VPS37A: variants seen among roughly 807,000 people sequenced by gnomAD.
The protein encoded by VPS37A is VPS37A subunit of ESCRT-I.
In VPS37A, 30 loss-of-function variants were observed where a neutral mutation model predicts 49.8. The ratio of observed to expected loss-of-function variants is 0.60; its 90% CI spans 0.45 to 0.82. The LOEUF is 0.82. Ranked by LOEUF, VPS37A falls within the 40% of genes least tolerant of loss-of-function variation. The pLI is 0.00. For missense variants in VPS37A, 593 were observed against 464.4 expected (o/e 1.28, Z -2.55); for synonymous variants, 195 against 160.6 (o/e 1.21, Z -1.62).
chr8:17,252,391 G>C (rs58175085), intron 1 of VPS37A, among the ~76,000 whole-genome samples: 1 of 152,116 alleles, frequency 6.6e-6, no homozygotes, highest in Non-Finnish European at 1.5e-5. Flanking sequence ...GCCCAGGCTT[G>C]TCTCTCAAAC....
In VPS37A at chr8:17,297,141, C is replaced by T. The variant is rs112056804; in HGVS notation, c.*2155C>T. 6.6e-6 allele frequency: 1 copy of T among 152,100 alleles called. No homozygotes were observed. Among genetic ancestry groups the T allele is most frequent in the Non-Finnish European group, 1.5e-5 (1 of 68,014 alleles). The allele number at this position is 152,100 out of a possible 1,614,324, so 9.4% of individuals were successfully genotyped here. A position where few individuals can be genotyped will look rare whatever the true frequency, so the allele number is the denominator to read the frequency against. On this transcript the variant is annotated 3_prime_UTR_variant, in exon 12 of 12. Transcript: ENST00000324849. The stretch of plus-strand genomic sequence containing the variant: ...TGAAATGCATGTGAAAGTTTGTATT[C>T]TGATTTTACAAGATGAGATAGAAAT...
At chr8:17,282,745 G>C (rs922958724) in intron 9 of VPS37A, among the ~76,000 whole-genome samples, 4 of 149,892 alleles carry the variant, frequency 2.7e-5, no homozygotes, top group Non-Finnish European at 4.5e-5. Context: ...TTAAAAAAAA[G>C]ACACACACAC....
At chr8:17,330,733 G>A in the VPS37A span, among the ~76,000 whole-genome samples, 5 of 152,258 alleles carry the variant, frequency 3.3e-5, no homozygotes, top group African/African-American at 1.2e-4. Flanking sequence ...CAGCTCCTCC[G>A]ATATTCTCCC....
At chr8:17,299,176 C>G (rs1224338249), downstream of VPS37A, 1 of 152,122 alleles carries the variant, frequency 6.6e-6, no homozygotes, top group Non-Finnish European at 1.5e-5. Context: ...GCTATTAAAT[C>G]AGTGTTAGAG....
chr8:17,307,977 T>C, the VPS37A span, among the ~76,000 whole-genome samples: 1 of 152,004 alleles, frequency 6.6e-6, no homozygotes, highest in African/African-American at 2.4e-5. Context: ...ACATGGCACA[T>C]GTATATATAT....
chr8:17,259,262 G>C (rs1812761651), intron 1 of VPS37A, among the ~76,000 whole-genome samples: 2 of 151,872 alleles, frequency 1.3e-5, no homozygotes, highest in African/African-American at 4.8e-5. Context: ...CATAGATTTT[G>C]GTGTGTTCTA....
rs755869608 is a variant in VPS37A at position 17,268,967 on chromosome 8, T to G, written c.416+11T>G. ...AACAGCATTTCCTTAGTAAGTATATTTCTAGTAAATAAAAAAGTCTGCCTG... is the reference window on the plus strand; with the variant it reads ...AACAGCATTTCCTTAGTAAGTATATGTCTAGTAAATAAAAAAGTCTGCCTG... On this transcript the variant is annotated intron_variant, in intron 4 of 11. Transcript: ENST00000324849. The G allele has an allele frequency of 2.0e-5, 31 of 1,544,402 alleles. No individual in the cohort carries two copies. The highest frequency in any genetic ancestry group is 4.0e-5 in the Admixed American group (2 of 49,856).
intron 1 of VPS37A, 124 bp from the exon 2 acceptor site, chr8:17,265,783 C>G (rs1004429886): frequency 6.4e-7 from 1 of 1,550,564 alleles, no homozygotes; most frequent in Non-Finnish European, 8.7e-7. Context: ...ACAAGTTATG[C>G]TGGCTATCCA....
At chr8:17,261,487 C>A (rs181406988) in intron 1 of VPS37A, among the ~76,000 whole-genome samples, 2 of 152,166 alleles carry the variant, frequency 1.3e-5, no homozygotes, top group African/African-American at 4.8e-5. Flanking sequence ...TTGTTTCATC[C>A]GCTTAGGGAA....
intron 1 of VPS37A, among the ~76,000 whole-genome samples, chr8:17,253,972 C>T (rs769557975): frequency 6.6e-6 from 1 of 152,038 alleles, no homozygotes; most frequent in African/African-American, 2.4e-5. Flanking sequence ...ATTCTTATAT[C>T]AGTTGTGTAA....
downstream of VPS37A, among the ~76,000 whole-genome samples, chr8:17,306,859 C>G (rs548052464): frequency 3.3e-5 from 5 of 152,284 alleles, no homozygotes; most frequent in African/African-American, 1.2e-4. Flanking sequence ...AACTGGATCC[C>G]TTCTTTGCAC....
At position 17,296,748 on chromosome 8, in the gene VPS37A, G is replaced by A. The variant is rs1816672641; in HGVS notation, c.*1762G>A. On this transcript the variant is annotated 3_prime_UTR_variant, in exon 12 of 12. Transcript: ENST00000324849. ...TTTCACCAGAAAAACAGAAAAAAAA[G>A]AAACATTTTCTTACAGAGTAAAAAT... 6.6e-6 allele frequency: 1 copy of A among 152,058 alleles called. No individual in the cohort carries two copies. Among genetic ancestry groups the A allele is most frequent in the Non-Finnish European group, 1.5e-5 (1 of 67,990 alleles). 9.4% of individuals were successfully genotyped at this position (152,058 alleles called of 1,614,324 possible). A position where few individuals can be genotyped will look rare whatever the true frequency, so the allele number is the denominator to read the frequency against.
downstream of VPS37A, among the ~76,000 whole-genome samples, chr8:17,301,187 A>C (rs1485968077): frequency 6.6e-6 from 1 of 152,242 alleles, no homozygotes; most frequent in South Asian, 2.1e-4. Context: ...AGAGATAGAT[A>C]AATACAGACC....
At chr8:17,247,421 G>GGT in intron 1 of VPS37A, 52 bp downstream of exon 1, 3 of 163,976 alleles carry the variant, frequency 1.8e-5, no homozygotes, top group Non-Finnish European at 2.4e-5. Flanking sequence ...GGGAGGGCGG[G>GGT]CTTGTCCTAA....
At chr8:17,294,234 G>A (rs1251732158) in intron 11 of VPS37A, among the ~76,000 whole-genome samples, 1 of 152,150 alleles carries the variant, frequency 6.6e-6, no homozygotes, top group African/African-American at 2.4e-5. Flanking sequence ...AAACTTCCCG[G>A]AGGCTTTGTT....
chr8:17,306,696 C>T (rs1817476308), downstream of VPS37A, among the ~76,000 whole-genome samples: 1 of 152,106 alleles, frequency 6.6e-6, no homozygotes, highest in Non-Finnish European at 1.5e-5. Flanking sequence ...GAGATCATCA[C>T]CTTGAGGAAG....
At chr8:17,279,532 G>C (rs1293428383) in intron 6 of VPS37A, among the ~76,000 whole-genome samples, 1 of 152,030 alleles carries the variant, frequency 6.6e-6, no homozygotes, top group African/African-American at 2.4e-5. Flanking sequence ...CAGTAAGTCT[G>C]GTTCCTATCA....
In VPS37A at chr8:17,297,070, C is replaced by G. The variant is rs914397746; in HGVS notation, c.*2084C>G. On this transcript the variant is annotated 3_prime_UTR_variant, in exon 12 of 12. Coordinates refer to ENST00000324849, the MANE Select transcript of VPS37A (RefSeq NM_152415.3). ...TTCTAATTTTATGGCTATATATTTT[C>G]TTCATAAAAATTGGTCACATCGGAG... 3 of 151,976 alleles carry G rather than the reference C, an allele frequency of 2.0e-5. No homozygotes were observed. The highest frequency in any genetic ancestry group is 7.3e-5 in the African/African-American group (3 of 41,374). 9.4% of individuals were successfully genotyped at this position (151,976 alleles called of 1,614,324 possible).
chr8:17,331,728 C>T, the VPS37A span, among the ~76,000 whole-genome samples: 17,352 of 152,138 alleles, frequency 0.11, 1,293 homozygotes, highest in East Asian at 0.32. Context: ...CCAATAAACA[C>T]GTTATCAAAT....
Sources: gnomAD v4.1 joint callset for allele counts (sites outside exome capture counted in the v4.1 genomes callset) on GRCh38, gnomAD v4.1.1 for gene constraint, MANE v1.5 for transcripts, NCBI Gene and HGNC (gene_info 2026-07-23, HGNC 2026-07-21) for gene names.